SH3D19: variants seen among roughly 807,000 people sequenced by gnomAD.
SH3D19 encodes the protein SH3 domain-containing protein 19.
In SH3D19, 58 loss-of-function variants were observed where a neutral mutation model predicts 112.1. That is an observed-to-expected ratio of 0.52 (90% CI 0.42 to 0.64). SH3D19 has a LOEUF of 0.64. Ranked by LOEUF, SH3D19 falls within the 30% of genes least tolerant of loss-of-function variation. SH3D19 has a pLI of 0.00. For missense variants in SH3D19, 1,090 were observed against 1,263.4 expected (o/e 0.86, Z 2.08); for synonymous variants, 391 against 448.5 (o/e 0.87, Z 1.62).
intron 7 of SH3D19, among the ~76,000 whole-genome samples, chr4:151,174,071 AG>A (rs1307183374): frequency 1.3e-5 from 2 of 152,220 alleles, no homozygotes; most frequent in Non-Finnish European, 2.9e-5. Context: ...TTCACTCTCA[AG>A]GGAAGATGTT....
chr4:151,183,823 C>T (rs1445580164), intron 3 of SH3D19, among the ~76,000 whole-genome samples: 3 of 152,154 alleles, frequency 2.0e-5, no homozygotes, highest in Admixed American at 6.5e-5. Context: ...ATAACAAGAA[C>T]GTCTGTGGAG....
chr4:151,265,194 T>A (rs189817346), intron 1 of SH3D19, among the ~76,000 whole-genome samples: 127 of 152,240 alleles, frequency 8.3e-4, no homozygotes, highest in African/African-American at 3.0e-3. Context: ...ATGATTACAA[T>A]TTATTCTCAA....
chr4:151,147,877 AG>A (rs771428897), intron 11 of SH3D19, 44 bp downstream of exon 11: 1 of 1,546,006 alleles, frequency 6.5e-7, no homozygotes, highest in Non-Finnish European at 8.7e-7. Flanking sequence ...TATATACTTT[AG>A]GGCACACCTC....
At chr4:151,253,205 C>T (rs1771542607) in intron 1 of SH3D19, among the ~76,000 whole-genome samples, 1 of 152,188 alleles carries the variant, frequency 6.6e-6, no homozygotes, top group African/African-American at 2.4e-5. Context: ...CGCTGGAGCC[C>T]CTCACTCTGC....
At chr4:151,175,759 G>A in intron 6 of SH3D19, 85 bp from the exon 7 acceptor site, 2 of 1,159,136 alleles carry the variant, frequency 1.7e-6, no homozygotes, top group East Asian at 3.2e-5. Context: ...AAGATACACA[G>A]ATTTAAAACT....
intron 1 of SH3D19, among the ~76,000 whole-genome samples, chr4:151,270,498 A>G (rs576404304): frequency 2.0e-5 from 3 of 152,336 alleles, no homozygotes; most frequent in African/African-American, 2.4e-5. Flanking sequence ...CCATGAGCCA[A>G]TTAAAGCTCT....
chr4:151,146,747 T>G (rs1753987118), intron 11 of SH3D19, among the ~76,000 whole-genome samples: 1 of 152,142 alleles, frequency 6.6e-6, no homozygotes, highest in Non-Finnish European at 1.5e-5. Flanking sequence ...TTGGCCTGGC[T>G]GGTCTCAAAC....
chr4:151,187,392 G>A lies in SH3D19; in HGVS notation c.193+31C>T, dbSNP rs555307102. ...ATCATCACTTAAAATTATTACAGAGGAAAATACAGAGAAGGAAAAAACAAA... is the reference window on the plus strand; with the variant it reads ...ATCATCACTTAAAATTATTACAGAGAAAAATACAGAGAAGGAAAAAACAAA... On this transcript the variant is annotated intron_variant, in intron 3 of 19. Coordinates refer to ENST00000604030, the MANE Select transcript of SH3D19 (RefSeq NM_001378122.1). 5 of 1,168,146 alleles carry A rather than the reference G, an allele frequency of 4.3e-6. No homozygotes were observed. The South Asian group carries it at 2.2e-4, about 50-fold the overall frequency. 72.4% of individuals were successfully genotyped at this position (1,168,146 alleles called of 1,614,324 possible).
At chr4:151,232,997 A>T (rs1048136416) in intron 1 of SH3D19, among the ~76,000 whole-genome samples, 1 of 152,192 alleles carries the variant, frequency 6.6e-6, no homozygotes, top group African/African-American at 2.4e-5. Context: ...GCAGGAAGCA[A>T]GCAAGAATTT....
At chr4:151,291,036 TA>T in intron 1 of SH3D19, 2 of 1,107,666 alleles carry the variant, frequency 1.8e-6, no homozygotes, top group Non-Finnish European at 2.6e-6. Flanking sequence ...GGCCCAGTTT[TA>T]AAGAATTCTC....
chr4:151,162,626 C>G (rs535046650), intron 8 of SH3D19, among the ~76,000 whole-genome samples: 7 of 140,994 alleles, frequency 5.0e-5, no homozygotes, highest in African/African-American at 1.9e-4. Context: ...TTGAGTTTCG[C>G]TCTTGTTGCC....
At chr4:151,154,328 T>G (rs1274226698) in intron 9 of SH3D19, among the ~76,000 whole-genome samples, 6 of 150,740 alleles carry the variant, frequency 4.0e-5, no homozygotes, top group Non-Finnish European at 8.8e-5. Context: ...GAGATGGGGT[T>G]TCTCCATGTT....
intron 11 of SH3D19, among the ~76,000 whole-genome samples, chr4:151,147,532 G>A (rs1017993915): frequency 1.3e-5 from 2 of 152,152 alleles, no homozygotes; most frequent in Non-Finnish European, 1.5e-5. Context: ...TGCAATCTTG[G>A]CTCACTGCAA....
At chr4:151,272,892 C>G (rs1279643345) in intron 1 of SH3D19, among the ~76,000 whole-genome samples, 1 of 151,930 alleles carries the variant, frequency 6.6e-6, no homozygotes, top group African/African-American at 2.4e-5. Flanking sequence ...GCTCTCTTAT[C>G]AACTTTTCAT....
intron 1 of SH3D19, among the ~76,000 whole-genome samples, chr4:151,294,144 A>AT (rs977772364): frequency 6.6e-6 from 1 of 152,214 alleles, no homozygotes; most frequent in African/African-American, 2.4e-5. Flanking sequence ...CCACGTAAGA[A>AT]TTTTTGTTTT....
intron 2 of SH3D19, among the ~76,000 whole-genome samples, chr4:151,196,626 T>C (rs1001602817): frequency 6.6e-6 from 1 of 152,044 alleles, no homozygotes; most frequent in African/African-American, 2.4e-5. Context: ...CATCAGAACA[T>C]ATAATCTATT....
chr4:151,212,713 C>T (rs1176433901), intron 2 of SH3D19, among the ~76,000 whole-genome samples: 1 of 152,216 alleles, frequency 6.6e-6, no homozygotes, highest in Non-Finnish European at 1.5e-5. Context: ...GACACAACAT[C>T]CAATCTGCAA....
At chr4:151,184,356 A>G (rs2149843707) in intron 3 of SH3D19, among the ~76,000 whole-genome samples, 1 of 152,336 alleles carries the variant, frequency 6.6e-6, no homozygotes. Context: ...TTCTTATAGA[A>G]TAGGCAAAAA....
chr4:151,205,018 A>G lies in SH3D19; in HGVS notation c.153-17555T>C, dbSNP rs1274240458. On this transcript the variant is annotated intron_variant, in intron 2 of 19. Transcript: ENST00000604030. ...ACATTTTTAATAGAGACAGGGTTTC[A>G]CCATGTTGGCCGGGCTGGTCTCGAA... is the stretch of plus-strand genomic sequence containing the variant. Among the ~76,000 whole-genome samples, 4 of 151,990 alleles carry G rather than the reference A, an allele frequency of 2.6e-5. No individual in the cohort carries two copies. In the East Asian group the frequency reaches 7.7e-4, roughly 29 times the overall value.
Sources: allele counts gnomAD v4.1 joint callset (sites outside exome capture counted in the v4.1 genomes callset), GRCh38; gene constraint gnomAD v4.1.1; transcripts MANE v1.5; gene names NCBI Gene and HGNC (gene_info 2026-07-23, HGNC 2026-07-21).